Variants in MFSD6 observed in about 807,000 individuals in gnomAD.
MFSD6 encodes the protein major facilitator superfamily domain-containing protein 6.
Under a neutral mutation model 56.3 loss-of-function variants are expected in MFSD6, and 26 were observed. The observed-to-expected ratio is 0.46, with a 90% CI of 0.34 to 0.64. The LOEUF (loss-of-function observed/expected upper bound fraction) is 0.64. Ranked by LOEUF, MFSD6 falls within the 30% of genes least tolerant of loss-of-function variation. MFSD6 has a pLI of 0.01. For missense variants in MFSD6, 750 were observed against 986.2 expected, an observed-to-expected ratio of 0.76 and a Z score of 3.21; for synonymous variants, 331 against 366.9, an observed-to-expected ratio of 0.90 and a Z score of 1.12.
rs201421599 is a variant in MFSD6 at position 190,487,906 on chromosome 2, T to A, written c.1631-751T>A. 0.14 allele frequency among the ~76,000 whole-genome samples: 21,930 copies of A among 152,096 alleles called. 1,795 individuals carry two copies. The highest frequency in any genetic ancestry group is 0.22 in the Middle Eastern group (64 of 294). On this transcript the variant is annotated intron_variant, in intron 4 of 7. Transcript: ENST00000392328. The surrounding 1 kb of genome is among the most constrained non-coding windows in gnomAD (Gnocchi z 5.5). ...TTCTAGTTACCTAGTCAAAATAATTTTTTTTTCTTTTTTGAGACAGAATCT... is the reference window on the plus strand; with the variant it reads ...TTCTAGTTACCTAGTCAAAATAATTATTTTTTCTTTTTTGAGACAGAATCT...
In MFSD6 at chr2:190,485,939, G is replaced by T. The variant is rs1037903913; in HGVS notation, c.1631-2718G>T. Among the ~76,000 whole-genome samples the T allele has an allele frequency of 6.6e-6, 1 of 152,128 alleles. No individual in the cohort carries two copies. Among genetic ancestry groups the T allele is most frequent in the African/African-American group, 2.4e-5 (1 of 41,432 alleles). On this transcript the variant is annotated intron_variant, in intron 4 of 7. Transcript: ENST00000392328. This position sits in a 1 kb window ranked among gnomAD's most constrained non-coding sequence, Gnocchi z 5.1. ...TAAAAACAGTGTTTATTCCATTATG[G>T]ACTGACTTAAGTAATATCATCCCTG...
At chr2:190,473,101 A>T (rs922099504) in intron 4 of MFSD6, among the ~76,000 whole-genome samples, 3 of 152,242 alleles carry the variant, frequency 2.0e-5, no homozygotes, top group Non-Finnish European at 4.4e-5. Flanking sequence ...AAACATGGAA[A>T]GGAACAACCG....
In MFSD6 at chr2:190,412,299, G is replaced by A; in HGVS notation, c.-175-2993G>A. On this transcript the variant is annotated intron_variant, in intron 1 of 7. Transcript: ENST00000392328. The surrounding 1 kb of genome is among the most constrained non-coding windows in gnomAD (Gnocchi z 4.1). ...TGGTAGTAGGTAATCTTGAGAAAGA[G>A]GGAATTGTAAAAGTATTTTACAGAA... The A allele has an allele frequency of 1.0e-6, 1 of 983,584 alleles. No individual in the cohort carries two copies. Among genetic ancestry groups the A allele is most frequent in the South Asian group, 4.7e-5 (1 of 21,234 alleles). 60.9% of individuals were successfully genotyped at this position (983,584 alleles called of 1,614,324 possible).
intron 4 of MFSD6, among the ~76,000 whole-genome samples, chr2:190,473,533 A>G (rs1688082758): frequency 6.6e-6 from 1 of 152,332 alleles, no homozygotes; most frequent in Admixed American, 6.5e-5. Context: ...TATCCTAAAT[A>G]TATATGCACC....
At chr2:190,448,248 A>G (rs564667725) in intron 3 of MFSD6, among the ~76,000 whole-genome samples, 1 of 152,204 alleles carries the variant, frequency 6.6e-6, no homozygotes, top group African/African-American at 2.4e-5. Flanking sequence ...CCAATTTAGC[A>G]CTCTATGCTC....
At position 190,415,537 on chromosome 2, in the gene MFSD6, T is replaced by C. The variant is rs891232629; in HGVS notation, c.-54+124T>C. On this transcript the variant is annotated intron_variant, in intron 2 of 7. Transcript: ENST00000392328. This position sits in a 1 kb window ranked among gnomAD's most constrained non-coding sequence, Gnocchi z 4.5. ...CTCCCGCCTCTGTCTCCCAAAGTGC[T>C]GGGATTACGGATGTGAGCCACTGTG... The C allele has an allele frequency of 2.6e-5, 4 of 152,204 alleles. No homozygotes were observed. The East Asian group carries it at 5.8e-4, about 22-fold the overall frequency. 9.4% of individuals were successfully genotyped at this position (152,204 alleles called of 1,614,324 possible).
At position 190,458,927 on chromosome 2, in the gene MFSD6, T is replaced by A. The variant is rs1385087995; in HGVS notation, c.1533-10831T>A. On this transcript the variant is annotated intron_variant, in intron 3 of 7. Transcript: ENST00000392328. The surrounding 1 kb of genome is among the most constrained non-coding windows in gnomAD (Gnocchi z 5.3). ...AGGCAGCTCTAGGATCAAGTTCAGC[T>A]GAGAACAGAGAATCATGCTTAGTTT... Among the ~76,000 whole-genome samples the A allele has an allele frequency of 6.6e-6, 1 of 152,226 alleles. No individual in the cohort carries two copies. The highest frequency in any genetic ancestry group is 1.5e-5 in the Non-Finnish European group (1 of 68,034).
Position 190,497,333 on chromosome 2 carries a change from C to T in MFSD6, c.1892-106C>T. The T allele has an allele frequency of 7.8e-7, 1 of 1,279,894 alleles. No individual in the cohort carries two copies. The highest frequency in any genetic ancestry group is 1.1e-6 in the Non-Finnish European group (1 of 933,096). The allele number at this position is 1,279,894 out of a possible 1,614,324, so 79.3% of individuals were successfully genotyped here. A position where few individuals can be genotyped will look rare whatever the true frequency, so the allele number is the denominator to read the frequency against. On this transcript the variant is annotated intron_variant, in intron 6 of 7. Transcript: ENST00000392328. The surrounding 1 kb of genome is among the most constrained non-coding windows in gnomAD (Gnocchi z 5.2). The stretch of plus-strand genomic sequence containing the variant: ...AGCAATTTATTAATATTATCAAGCA[C>T]TCTGGAATGGGTATATGGGATTCTT...
intron 2 of MFSD6, among the ~76,000 whole-genome samples, chr2:190,428,239 G>GT (rs1266521450): frequency 3.3e-5 from 5 of 152,170 alleles, no homozygotes; most frequent in Non-Finnish European, 7.3e-5. Flanking sequence ...TACAATTTAT[G>GT]TATCTGCTGT....
intron 3 of MFSD6, among the ~76,000 whole-genome samples, chr2:190,445,499 A>T (rs200838054): frequency 5.4e-5 from 8 of 148,166 alleles, no homozygotes; most frequent in Non-Finnish European, 8.9e-5. Flanking sequence ...AAGAACACGA[A>T]TTTTTTTTTT....
chr2:190,446,043 T>C (rs1225976337), intron 3 of MFSD6, among the ~76,000 whole-genome samples: 1 of 152,188 alleles, frequency 6.6e-6, no homozygotes, highest in African/African-American at 2.4e-5. Flanking sequence ...TGAATTTTAA[T>C]ATTTAAAAAA....
In MFSD6 at chr2:190,420,282, G is replaced by T. The variant is rs373089227; in HGVS notation, c.-54+4869G>T. Among the ~76,000 whole-genome samples, 10 of 151,840 alleles carry T rather than the reference G, an allele frequency of 6.6e-5. No individual in the cohort carries two copies. The South Asian group carries it at 2.1e-3, about 32-fold the overall frequency. ...GGAGACTGAGAAATCCAACATCAAG[G>T]TGCAAGTAAACTCTGTTCCTGTTGA... is the stretch of plus-strand genomic sequence containing the variant. On this transcript the variant is annotated intron_variant, in intron 2 of 7. Transcript: ENST00000392328.
chr2:190,422,408 C>T (rs1183649244), intron 2 of MFSD6, among the ~76,000 whole-genome samples: 1 of 152,058 alleles, frequency 6.6e-6, no homozygotes, highest in Non-Finnish European at 1.5e-5. Context: ...GTCTGTCTTT[C>T]GCTTGATTTA....
rs1366961625 is a variant in MFSD6, at chr2:190,418,881, G to C, written c.-54+3468G>C. The stretch of plus-strand genomic sequence containing the variant: ...AGCTAGTAGCAGCTCTGGGGAGCCC[G>C]TGGGCAGTGCTGAGTGCCTGGAGGG... On this transcript the variant is annotated intron_variant, in intron 2 of 7. Coordinates refer to ENST00000392328, the MANE Select transcript of MFSD6 (RefSeq NM_017694.4). The surrounding 1 kb of genome is among the most constrained non-coding windows in gnomAD (Gnocchi z 4.1). 6.6e-6 allele frequency among the ~76,000 whole-genome samples: 1 copy of C among 152,228 alleles called. No homozygotes were observed. The highest frequency in any genetic ancestry group is 1.5e-5 in the Non-Finnish European group (1 of 68,040).
At chr2:190,466,489 G>A (rs571363116) in intron 3 of MFSD6, among the ~76,000 whole-genome samples, 4 of 152,324 alleles carry the variant, frequency 2.6e-5, no homozygotes, top group African/African-American at 7.2e-5. Context: ...GAAGGAATGC[G>A]AATGCTCTTG....
chr2:190,480,424 A>G (rs1336265221), intron 4 of MFSD6, among the ~76,000 whole-genome samples: 1 of 152,232 alleles, frequency 6.6e-6, no homozygotes, highest in Non-Finnish European at 1.5e-5. Flanking sequence ...ATGATATAAG[A>G]AATTCTATCT....
At position 190,491,317 on chromosome 2, in the gene MFSD6, C is replaced by T. The variant is rs1689338974; in HGVS notation, c.1891+1451C>T. ...AGGTGGACCGAGTAGCATGTGGAGA[C>T]TTGCATCATGCTTTTGCTCCAGAAC... On this transcript the variant is annotated intron_variant, in intron 6 of 7. Coordinates refer to ENST00000392328, the MANE Select transcript of MFSD6 (RefSeq NM_017694.4). This position sits in a 1 kb window ranked among gnomAD's most constrained non-coding sequence, Gnocchi z 4.2. Among the ~76,000 whole-genome samples the T allele has an allele frequency of 6.6e-6, 1 of 152,196 alleles. No homozygotes were observed. The highest frequency in any genetic ancestry group is 2.4e-5 in the African/African-American group (1 of 41,444).
chr2:190,419,502 T>C (rs1690923129), intron 2 of MFSD6, among the ~76,000 whole-genome samples: 1 of 152,252 alleles, frequency 6.6e-6, no homozygotes, highest in Non-Finnish European at 1.5e-5. Flanking sequence ...AGAGTGTCCC[T>C]TCTGTGGTAT....
In MFSD6 at chr2:190,437,245, G is replaced by T. The variant is rs767648629; in HGVS notation, c.1216G>T (p.Val406Leu). ...FKNDDSKGKE[V>L]EIPQVERNNS... ...AAACGATGATTCTAAAGGGAAAGAG[G>T]TGGAGATCCCGCAGGTGGAAAGGAA... Residue 406 changes from valine (V) to leucine (L), a missense_variant, in exon 3 of 8, where the codon GTG becomes TTG. This residue lies in a region of MFSD6 where 376 missense variants were observed against 437.9 expected (regional missense o/e 0.86). Transcript: ENST00000392328. The surrounding 1 kb of genome is among the most constrained non-coding windows in gnomAD (Gnocchi z 5.9). The T allele has an allele frequency of 1.2e-5, 19 of 1,614,208 alleles. No homozygotes were observed. In the Middle Eastern group the frequency reaches 8.2e-4, roughly 70 times the overall value.
Sources: gnomAD v4.1 joint callset for allele counts (sites outside exome capture counted in the v4.1 genomes callset) on GRCh38, gnomAD v4.1.1 for gene constraint, gnomAD v4.1.1 regional missense constraint, Gnocchi (gnomAD v3.1) non-coding constraint, MANE v1.5 for transcripts, NCBI Gene and HGNC (gene_info 2026-07-23, HGNC 2026-07-21) for gene names.